The following PCBP4 variants were observed in gnomAD, a reference collection of about 807,000 sequenced individuals.
PCBP4 encodes the protein poly(rC)-binding protein 4.
Under a neutral mutation model 46.2 loss-of-function variants are expected in PCBP4, and 24 were observed. That is an observed-to-expected ratio of 0.52 (90% CI 0.38 to 0.73). The LOEUF (loss-of-function observed/expected upper bound fraction) is 0.73. Among genes scored for constraint, PCBP4 ranks in the 30% least tolerant of loss-of-function variants. The pLI, the probability that PCBP4 is intolerant of heterozygous loss-of-function variation, is 0.00. For missense variants in PCBP4, 407 were observed against 537.0 expected (o/e 0.76, Z 2.39); for synonymous variants, 203 against 224.4 (o/e 0.90, Z 0.85).
chr3:51,963,552 C>T (rs1374394442), intron 1 of PCBP4, among the ~76,000 whole-genome samples: 3 of 152,162 alleles, frequency 2.0e-5, no homozygotes, highest in Non-Finnish European at 4.4e-5. Flanking sequence ...TGACATTGTC[C>T]CCAAACCATC....
intron 1 of PCBP4, among the ~76,000 whole-genome samples, chr3:51,966,008 G>A (rs976783711): frequency 2.1e-4 from 32 of 152,308 alleles, no homozygotes; most frequent in African/African-American, 6.7e-4. Flanking sequence ...AGGGGCTCGC[G>A]GCCCAGAGAG....
chr3:51,958,899 CT>C lies in PCBP4; in HGVS notation c.813del (p.Ala273HisfsTer37), dbSNP rs1362948565. The C allele has an allele frequency of 6.2e-7, 1 of 1,613,994 alleles. No individual in the cohort carries two copies. The highest frequency in any genetic ancestry group is 2.2e-5 in the East Asian group (1 of 44,860). ...TGGTTCCCGATCTTGATATGTGCCC[CT>C]GACATCTGCCGGATCTCGCTGATCT... The part of the protein sequence containing the change: ...GSKISEIRQM[S>X]GAHIKIGNQA... On this transcript the variant is annotated frameshift_variant, in exon 13 of 14. Transcript: ENST00000461554. LOFTEE classifies it high-confidence loss of function. This position sits in a 1 kb window ranked among gnomAD's most constrained non-coding sequence, Gnocchi z 5.4.
At chr3:51,966,286 G>A (rs746348706) in intron 1 of PCBP4, among the ~76,000 whole-genome samples, 2 of 152,158 alleles carry the variant, frequency 1.3e-5, no homozygotes, top group African/African-American at 2.4e-5. Context: ...GAGCATGCAA[G>A]AAGAACAATC....
At position 51,960,664 on chromosome 3, in the gene PCBP4, C is replaced by T. The variant is rs61754212; in HGVS notation, c.139-22G>A. 21 of 1,584,788 alleles carry T rather than the reference C, an allele frequency of 1.3e-5. No homozygotes were observed. Among genetic ancestry groups the T allele is most frequent in the Admixed American group, 3.3e-5 (2 of 59,980 alleles). On this transcript the variant is annotated intron_variant, in intron 5 of 13. Coordinates refer to ENST00000461554, the MANE Select transcript of PCBP4 (RefSeq NM_001174100.2). This position sits in a 1 kb window ranked among gnomAD's most constrained non-coding sequence, Gnocchi z 5.0. Reference sequence around the variant, plus strand: ...TGCTCTGCAGATATAGAATGAGCGCCGGGCAGCGGGGCATCTTCCCTGCTC... The same window carrying T: ...TGCTCTGCAGATATAGAATGAGCGCTGGGCAGCGGGGCATCTTCCCTGCTC...
At position 51,960,719 on chromosome 3, in the gene PCBP4, T is replaced by C. The variant is rs1700116970; in HGVS notation, c.139-77A>G. Reference sequence around the variant, plus strand: ...GCCGGAACTTGTCTGCCTGCCCCACTCACCAGGCCTGAGGCAAGGCTCAAA... The same window carrying C: ...GCCGGAACTTGTCTGCCTGCCCCACCCACCAGGCCTGAGGCAAGGCTCAAA... On this transcript the variant is annotated intron_variant, in intron 5 of 13. Transcript: ENST00000461554. The surrounding 1 kb of genome is among the most constrained non-coding windows in gnomAD (Gnocchi z 5.0). The C allele has an allele frequency of 2.1e-6, 3 of 1,453,902 alleles. No homozygotes were observed. The highest frequency in any genetic ancestry group is 1.4e-5 in the African/African-American group (1 of 71,570). The allele number at this position is 1,453,902 out of a possible 1,614,324, so 90.1% of individuals were successfully genotyped here.
chr3:51,958,318 T>C lies in PCBP4; in HGVS notation c.955A>G (p.Thr319Ala), dbSNP rs1278786028. Residue 319 changes from threonine (T) to alanine (A), a missense_variant, in exon 14 of 14, where the codon ACG becomes GCG. By Grantham distance (58) the Thr-to-Ala change is moderately conservative. Coordinates refer to ENST00000461554, the MANE Select transcript of PCBP4 (RefSeq NM_001174100.2). This position sits in a 1 kb window ranked among gnomAD's most constrained non-coding sequence, Gnocchi z 5.4. ...LETAKSTSGG[T>A]PSSAPADLPA... ...AGGTCTGCGGGGGCCGAGCTGGGCG[T>C]CCCCCCAGAGGTAGACTTGGCCGTC... The C allele has an allele frequency of 1.3e-6, 2 of 1,511,528 alleles. No homozygotes were observed. Among genetic ancestry groups the C allele is most frequent in the East Asian group, 2.3e-5 (1 of 42,634 alleles). 93.6% of individuals were successfully genotyped at this position (1,511,528 alleles called of 1,614,324 possible). A position where few individuals can be genotyped will look rare whatever the true frequency, so the allele number is the denominator to read the frequency against.
At chr3:51,964,023 A>G (rs1385305339) in intron 1 of PCBP4, among the ~76,000 whole-genome samples, 1 of 152,108 alleles carries the variant, frequency 6.6e-6, no homozygotes, top group Non-Finnish European at 1.5e-5. Context: ...AGTGACCTCC[A>G]GCTCACCTCC....
chr3:51,961,091 C>T (rs545302639), intron 3 of PCBP4, 58 bp from the exon 4 acceptor site: 1 of 1,613,974 alleles, frequency 6.2e-7, no homozygotes, highest in South Asian at 1.1e-5. Flanking sequence ...AGCCCCTCCC[C>T]ACTGGGATAC....
chr3:51,961,105 G>C, intron 3 of PCBP4, 55 bp downstream of exon 3: 2 of 1,613,948 alleles, frequency 1.2e-6, no homozygotes, highest in Non-Finnish European at 1.7e-6. Context: ...GGGATACCCA[G>C]TGAAACCCAG....
rs373085927 is a variant in PCBP4, at chr3:51,965,091, C to G, written c.-213+2235G>C. On this transcript the variant is annotated intron_variant, in intron 1 of 13. Transcript: ENST00000461554. ...CTGGGCTCCAGGAGAAAGGCCACAG[C>G]CTCATGGTACCCATCCCCTCACTCT... Among the ~76,000 whole-genome samples the G allele has an allele frequency of 2.0e-5, 3 of 152,220 alleles. No individual in the cohort carries two copies. The East Asian group carries it at 5.8e-4, about 29-fold the overall frequency.
At position 51,964,440 on chromosome 3, in the gene PCBP4, C is replaced by T. The variant is rs1165145221; in HGVS notation, c.-212-2352G>A. ...GGCCCGCCCCTTGGGGGATTCCCTC[C>T]GCTCTGCTGGCCAGAATGTCTGGAC... On this transcript the variant is annotated intron_variant, in intron 1 of 13. Transcript: ENST00000461554. Among the ~76,000 whole-genome samples, 4 of 152,208 alleles carry T rather than the reference C, an allele frequency of 2.6e-5. No individual in the cohort carries two copies. The East Asian group carries it at 5.8e-4, about 22-fold the overall frequency.
rs1700093621 is a variant in PCBP4 at position 51,960,431 on chromosome 3, T to C, written c.255+95A>G. On this transcript the variant is annotated intron_variant, in intron 6 of 13. Coordinates refer to ENST00000461554, the MANE Select transcript of PCBP4 (RefSeq NM_001174100.2). This position sits in a 1 kb window ranked among gnomAD's most constrained non-coding sequence, Gnocchi z 5.0. ...CTTCAAGGGAACACTGCCCTGGGCTTGACCTCCCCTCCCACCCATAGCCAC... is the reference window on the plus strand; with the variant it reads ...CTTCAAGGGAACACTGCCCTGGGCTCGACCTCCCCTCCCACCCATAGCCAC... The C allele has an allele frequency of 6.4e-7, 1 of 1,557,272 alleles. No individual in the cohort carries two copies. Among genetic ancestry groups the C allele is most frequent in the Non-Finnish European group, 8.8e-7 (1 of 1,133,372 alleles).
In PCBP4 at chr3:51,960,026, G is replaced by A; in HGVS notation, c.388-3C>T. The A allele has an allele frequency of 6.2e-7, 1 of 1,614,240 alleles. No individual in the cohort carries two copies. The highest frequency in any genetic ancestry group is 8.5e-7 in the Non-Finnish European group (1 of 1,180,044). On this transcript the variant is annotated splice_polypyrimidine_tract_variant and splice_region_variant and intron_variant, in intron 7 of 13. Transcript: ENST00000461554. This position sits in a 1 kb window ranked among gnomAD's most constrained non-coding sequence, Gnocchi z 5.0. ...ACCTGTACCTGGGCACCCGTAGTCT[G>A]CAAACAGAGAACAGGGGCCACTTCT...
chr3:51,966,012 CAG>C (rs1312161297), intron 1 of PCBP4, among the ~76,000 whole-genome samples: 3 of 152,186 alleles, frequency 2.0e-5, no homozygotes, highest in African/African-American at 7.2e-5. Context: ...GCTCGCGGCC[CAG>C]AGAGGAAGGG....
At position 51,960,086 on chromosome 3, in the gene PCBP4, G is replaced by A; in HGVS notation, c.388-63C>T. The A allele has an allele frequency of 1.2e-6, 2 of 1,614,102 alleles. No homozygotes were observed. Among genetic ancestry groups the A allele is most frequent in the Non-Finnish European group, 1.7e-6 (2 of 1,179,952 alleles). ...CATAACCCAGAAAAGGGCTGCCCAG[G>A]CTCAGAGCTCTCTAGGTGGGGAGGA... On this transcript the variant is annotated intron_variant, in intron 7 of 13. Coordinates refer to ENST00000461554, the MANE Select transcript of PCBP4 (RefSeq NM_001174100.2). This position sits in a 1 kb window ranked among gnomAD's most constrained non-coding sequence, Gnocchi z 5.0.
In PCBP4 at chr3:51,959,884, C is replaced by T. The variant is rs747315339; in HGVS notation, c.516+11G>A. ...TCTCCTGCCCCCTCTCTCCCTGCCCCAGGGCAGCACCTCCAGGATAACAGC... is the reference window on the plus strand; with the variant it reads ...TCTCCTGCCCCCTCTCTCCCTGCCCTAGGGCAGCACCTCCAGGATAACAGC... On this transcript the variant is annotated intron_variant, in intron 8 of 13. Transcript: ENST00000461554. This position sits in a 1 kb window ranked among gnomAD's most constrained non-coding sequence, Gnocchi z 5.6. The T allele has an allele frequency of 7.0e-6, 11 of 1,575,796 alleles. No homozygotes were observed. The highest frequency in any genetic ancestry group is 9.5e-6 in the Non-Finnish European group (11 of 1,159,938).
Position 51,959,649 on chromosome 3 carries a change from G to C in PCBP4, c.519C>G (p.Ser173=), listed in dbSNP as rs773774429. The C allele has an allele frequency of 2.6e-6, 4 of 1,551,446 alleles. No individual in the cohort carries two copies. The African/African-American group carries it at 5.5e-5, about 21-fold the overall frequency. The change falls in exon 9 of 14, where the codon TCC becomes TCG. Residue 173 remains serine, a splice_region_variant and synonymous_variant. Coordinates refer to ENST00000461554, the MANE Select transcript of PCBP4 (RefSeq NM_001174100.2). This position sits in a 1 kb window ranked among gnomAD's most constrained non-coding sequence, Gnocchi z 5.6. The part of the protein sequence containing the change: ...VRQICAVILE[S]PPKGATIPYH... ...AGGGGATAGTGGCTCCTTTGGGTGG[G>C]GACTGGAAGGCATAAACAGGGCTCT...
chr3:51,957,492 T>G lies in PCBP4; in HGVS notation c.*569A>C, dbSNP rs2292159. On this transcript the variant is annotated 3_prime_UTR_variant, in exon 14 of 14. Coordinates refer to ENST00000461554, the MANE Select transcript of PCBP4 (RefSeq NM_001174100.2). Reference sequence around the variant, plus strand: ...AGAATATTTATTCAAAAACAGGGATTGAAAAAACTGTACAGAGTGTCTGCT... The same window carrying G: ...AGAATATTTATTCAAAAACAGGGATGGAAAAAACTGTACAGAGTGTCTGCT... 2.3e-3 allele frequency: 391 copies of G among 166,600 alleles called. 6 individuals carry two copies. In the East Asian group the frequency reaches 0.041, roughly 17 times the overall value. 10.3% of individuals were successfully genotyped at this position (166,600 alleles called of 1,614,324 possible).
intron 3 of PCBP4, 33 bp from the exon 4 acceptor site, chr3:51,961,066 C>T: frequency 6.2e-7 from 1 of 1,614,156 alleles, no homozygotes; most frequent in Non-Finnish European, 8.5e-7. Flanking sequence ...CAGATGGGTG[C>T]CAGTGCCCAG....
Sources: gnomAD v4.1 joint callset for allele counts (sites outside exome capture counted in the v4.1 genomes callset) on GRCh38, gnomAD v4.1.1 for gene constraint, Gnocchi (gnomAD v3.1) non-coding constraint, MANE v1.5 for transcripts, NCBI Gene and HGNC (gene_info 2026-07-23, HGNC 2026-07-21) for gene names.